The following PCDH7 variants were observed in gnomAD, a reference collection of about 807,000 sequenced individuals.
The protein encoded by PCDH7 is protocadherin 7.
PCDH7 carries 17 observed loss-of-function variants against 58.9 expected under a neutral mutation model. The ratio of observed to expected loss-of-function variants is 0.29; its 90% CI spans 0.20 to 0.43. The LOEUF (loss-of-function observed/expected upper bound fraction) is 0.43. PCDH7 is among the 20% of genes least tolerant of loss of function. The pLI, the probability that PCDH7 is intolerant of heterozygous loss-of-function variation, is 1.00. For missense variants in PCDH7, 1,274 were observed against 1,441.0 expected (o/e 0.88, Z 1.88); for synonymous variants, 664 against 616.4 (o/e 1.08, Z -1.14).
intron 3 of PCDH7, among the ~76,000 whole-genome samples, chr4:30,982,054 G>T (rs1419133536): frequency 6.6e-6 from 1 of 152,124 alleles, no homozygotes; most frequent in Non-Finnish European, 1.5e-5. Context: ...CAAGAAAGTA[G>T]ATTTAAAGTG....
intron 3 of PCDH7, among the ~76,000 whole-genome samples, chr4:30,957,081 G>T (rs375651825): frequency 5.9e-5 from 9 of 152,030 alleles, no homozygotes. Context: ...CAGCAGCTGC[G>T]TAATATGAGC....
At chr4:31,119,047 T>A (rs1468948923) in intron 3 of PCDH7, among the ~76,000 whole-genome samples, 3 of 152,272 alleles carry the variant, frequency 2.0e-5, no homozygotes, top group Middle Eastern at 3.4e-3. Context: ...TAATGCAGTT[T>A]TTCTTTCTTG....
At chr4:30,836,050 T>C (rs529131094) in intron 1 of PCDH7, among the ~76,000 whole-genome samples, 1 of 152,334 alleles carries the variant, frequency 6.6e-6, no homozygotes, top group East Asian at 1.9e-4. Context: ...AGATTGAAGA[T>C]GTTAGCAGTG....
intron 3 of PCDH7, among the ~76,000 whole-genome samples, chr4:31,034,413 C>T: frequency 6.6e-6 from 1 of 152,266 alleles, no homozygotes; most frequent in Middle Eastern, 3.4e-3. Flanking sequence ...ACGATATAAA[C>T]AGAAATTGTG....
chr4:30,994,521 C>T (rs927770325), intron 3 of PCDH7, among the ~76,000 whole-genome samples: 23 of 152,222 alleles, frequency 1.5e-4, no homozygotes, highest in African/African-American at 5.5e-4. Context: ...GTGATAAAAA[C>T]CAAGTTTGCA....
At position 31,085,517 on chromosome 4, in the gene PCDH7, T is replaced by C. The variant is rs536477902; in HGVS notation, c.*8-56956T>C. On this transcript the variant is annotated intron_variant, in intron 3 of 3. Transcript: ENST00000509759. ...TTATAAACTAAGTTTCTCCCAAAGT[T>C]ACTTTAGCCTACTCCCAGGAATGAA... is the stretch of plus-strand genomic sequence containing the variant. Among the ~76,000 whole-genome samples, 16 of 152,280 alleles carry C rather than the reference T, an allele frequency of 1.1e-4. No homozygotes were observed. The East Asian group carries it at 1.5e-3, about 15-fold the overall frequency.
At chr4:31,072,987 C>T (rs760882731) in intron 3 of PCDH7, among the ~76,000 whole-genome samples, 27 of 152,112 alleles carry the variant, frequency 1.8e-4, no homozygotes, top group Non-Finnish European at 2.9e-5. Context: ...AAGTAAAACA[C>T]ATGTCCCAGC....
At chr4:30,979,243 G>A (rs1057080695) in intron 3 of PCDH7, among the ~76,000 whole-genome samples, 11 of 150,922 alleles carry the variant, frequency 7.3e-5, no homozygotes, top group African/African-American at 2.0e-4. Flanking sequence ...GGAGAATGGC[G>A]TGAACCCAGG....
chr4:30,995,105 A>T (rs774006940), intron 3 of PCDH7, among the ~76,000 whole-genome samples: 24 of 152,242 alleles, frequency 1.6e-4, no homozygotes, highest in Non-Finnish European at 3.1e-4. Context: ...TTTTTTAAAC[A>T]TGGCTTAAAG....
chr4:30,756,406 C>T (rs549300242), intron 1 of PCDH7, among the ~76,000 whole-genome samples: 57 of 152,118 alleles, frequency 3.7e-4, no homozygotes, highest in Admixed American at 1.3e-3. Context: ...AGCACCCACC[C>T]GGAAGATGAG....
intron 3 of PCDH7, among the ~76,000 whole-genome samples, chr4:31,109,128 A>T (rs759501558): frequency 6.6e-6 from 1 of 152,200 alleles, no homozygotes; most frequent in Non-Finnish European, 1.5e-5. Context: ...GGAGTGTAAC[A>T]ATGTTGCTTC....
chr4:31,068,016 T>A (rs926974332), intron 3 of PCDH7, among the ~76,000 whole-genome samples: 6 of 152,002 alleles, frequency 3.9e-5, no homozygotes, highest in African/African-American at 1.4e-4. Context: ...GTTCCATCTC[T>A]CCATGAGCTT....
At chr4:30,827,761 C>T (rs1194614985) in intron 1 of PCDH7, among the ~76,000 whole-genome samples, 4 of 151,902 alleles carry the variant, frequency 2.6e-5, no homozygotes, top group African/African-American at 7.3e-5. Flanking sequence ...GAACATGATT[C>T]GTATTCTCAA....
chr4:30,846,440 A>T (rs1731963834), intron 1 of PCDH7, among the ~76,000 whole-genome samples: 1 of 151,120 alleles, frequency 6.6e-6, no homozygotes, highest in Admixed American at 6.6e-5. Flanking sequence ...CCCGCACCAG[A>T]TGCTGGCAAC....
exon 2 of PCDH7, chr4:30,731,027 C>T (rs776790252): frequency 1.2e-5 from 15 of 1,201,474 alleles, no homozygotes; most frequent in Non-Finnish European, 1.5e-5. Context: ...GTCTGAGTCA[C>T]CAGAAATTCC....
chr4:31,014,829 C>T (rs931705936), intron 3 of PCDH7, among the ~76,000 whole-genome samples: 1 of 152,140 alleles, frequency 6.6e-6, no homozygotes, highest in Admixed American at 6.6e-5. Flanking sequence ...GCCACTCATT[C>T]ACTTTCTCTC....
intron 1 of PCDH7, among the ~76,000 whole-genome samples, chr4:30,739,748 G>T (rs1716825401): frequency 6.6e-6 from 1 of 152,136 alleles, no homozygotes; most frequent in Non-Finnish European, 1.5e-5. Context: ...ACAGAAAGAG[G>T]TAATGCGGTT....
chr4:31,012,634 A>G (rs1276887745), intron 3 of PCDH7, among the ~76,000 whole-genome samples: 1 of 150,700 alleles, frequency 6.6e-6, no homozygotes, highest in Non-Finnish European at 1.5e-5. Context: ...TAATCTTGCC[A>G]GAAAAGTTAT....
At chr4:30,820,794 A>G (rs1577931145) in intron 1 of PCDH7, among the ~76,000 whole-genome samples, 1 of 152,092 alleles carries the variant, frequency 6.6e-6, no homozygotes, top group African/African-American at 2.4e-5. Context: ...TTGCAAAAAC[A>G]CCACAAGCCA....
Sources: gnomAD v4.1 joint callset for allele counts (sites outside exome capture counted in the v4.1 genomes callset) on GRCh38, gnomAD v4.1.1 for gene constraint, MANE v1.5 for transcripts, NCBI Gene and HGNC (gene_info 2026-07-23, HGNC 2026-07-21) for gene names.